Variants in INO80C observed in about 807,000 individuals in gnomAD.
INO80C encodes the protein IES6 homolog.
Under a neutral mutation model 17.7 loss-of-function variants are expected in INO80C, and 17 were observed. The ratio of observed to expected loss-of-function variants is 0.96; its 90% CI spans 0.66 to 1.44. INO80C has a LOEUF of 1.44. INO80C is among the 40% of genes most tolerant of loss of function. The pLI is 0.00. For synonymous variants in INO80C, 96 were observed against 95.8 expected, an observed-to-expected ratio of 1.00 and a Z score of -0.01; for missense variants, 244 against 245.0, an observed-to-expected ratio of 1.00 and a Z score of 0.03.
chr18:35,497,678 T>C, intron 1 of INO80C, 41 bp downstream of exon 1: 1 of 1,590,678 alleles, frequency 6.3e-7, no homozygotes, highest in African/African-American at 1.4e-5. Context: ...CAAGTCCCGT[T>C]TCGCGACGCG....
chr18:35,479,146 C>T lies in INO80C; in HGVS notation c.379+154G>A, dbSNP rs1444074531. Reference sequence around the variant, plus strand: ...ATACAGATACAGTTATGAGAAAATACACACATAATCTGCCCAGACTGATGC... The same window carrying T: ...ATACAGATACAGTTATGAGAAAATATACACATAATCTGCCCAGACTGATGC... On this transcript the variant is annotated intron_variant, in intron 3 of 4. Transcript: ENST00000334598. The T allele has an allele frequency of 8.7e-6, 5 of 577,904 alleles. No homozygotes were observed. In the East Asian group the frequency reaches 1.5e-4, roughly 17 times the overall value. 35.8% of individuals were successfully genotyped at this position (577,904 alleles called of 1,614,324 possible). A position where few individuals can be genotyped will look rare whatever the true frequency, so the allele number is the denominator to read the frequency against.
intron 1 of INO80C, 68 bp downstream of exon 1, chr18:35,497,651 G>C: frequency 6.5e-7 from 1 of 1,547,174 alleles, no homozygotes; most frequent in South Asian, 1.2e-5. Context: ...ACGCGCCCTG[G>C]CTCGGCTCCG....
In INO80C at chr18:35,497,879, C is replaced by T; in HGVS notation, c.-5G>A. 6.4e-7 allele frequency: 1 copy of T among 1,556,172 alleles called. No individual in the cohort carries two copies. The highest frequency in any genetic ancestry group is 8.7e-7 in the Non-Finnish European group (1 of 1,148,622). On this transcript the variant is annotated 5_prime_UTR_variant, in exon 1 of 5. It adds an upstream start codon to the 5' untranslated region. Coordinates refer to ENST00000334598, the MANE Select transcript of INO80C (RefSeq NM_194281.4). The stretch of plus-strand genomic sequence containing the variant: ...AATTGGAATTTGCGCCGCCATCGCA[C>T]TCCGAGTCTTCCCCTGGTCCCCCCA...
In INO80C at chr18:35,479,373, G is replaced by A. The variant is rs768550170; in HGVS notation, c.306C>T (p.Asn102=). The A allele has an allele frequency of 1.2e-6, 2 of 1,614,108 alleles. No individual in the cohort carries two copies. The highest frequency in any genetic ancestry group is 1.7e-6 in the Non-Finnish European group (2 of 1,180,006). ...GHGGAVAGKK[N]RTWKNLKQIL... ...TTTGTTTCAGGTTCTTCCAGGTTCTGTTCTTCTTGCCAGCTACTGCGCCAC... is the reference window on the plus strand; with the variant it reads ...TTTGTTTCAGGTTCTTCCAGGTTCTATTCTTCTTGCCAGCTACTGCGCCAC... The change falls in exon 3 of 5, where the codon AAC becomes AAT. Residue 102 remains asparagine (N), a synonymous_variant. Coordinates refer to ENST00000334598, the MANE Select transcript of INO80C (RefSeq NM_194281.4).
chr18:35,477,366 A>G (rs1045662542), intron 4 of INO80C, among the ~76,000 whole-genome samples: 2 of 152,264 alleles, frequency 1.3e-5, no homozygotes, highest in Non-Finnish European at 2.9e-5. Flanking sequence ...AGGGACAAAC[A>G]GGGATATTAC....
rs11659769 is a variant in INO80C, at chr18:35,468,437, A to G, written c.*174T>C. 118,992 of 1,417,912 alleles carry G rather than the reference A, an allele frequency of 0.084. 5,288 individuals are homozygous for G. The highest frequency in any genetic ancestry group is 0.14 in the African/African-American group (8,836 of 63,302). The allele number at this position is 1,417,912 out of a possible 1,614,324, so 87.8% of individuals were successfully genotyped here. On this transcript the variant is annotated 3_prime_UTR_variant, in exon 5 of 5. Coordinates refer to ENST00000334598, the MANE Select transcript of INO80C (RefSeq NM_194281.4). ...AGCAGGAAATATCACACTTGGAGGG[A>G]AAACACACACTAAAAAAAAAAAAAA... is the stretch of plus-strand genomic sequence containing the variant.
chr18:35,497,571 G>C (rs1315262505), intron 1 of INO80C, 148 bp downstream of exon 1: 25 of 1,422,306 alleles, frequency 1.8e-5, no homozygotes, highest in Non-Finnish European at 2.3e-5. Flanking sequence ...GGAAAGAGTA[G>C]TCATTCACTC....
intron 1 of INO80C, chr18:35,496,675 T>C (rs1417961876): frequency 6.6e-6 from 1 of 152,192 alleles, no homozygotes; most frequent in Non-Finnish European, 1.5e-5. Flanking sequence ...GCTCTTGTAG[T>C]TGGGACTAAA....
intron 4 of INO80C, among the ~76,000 whole-genome samples, chr18:35,477,195 G>A (rs1457106638): frequency 6.6e-6 from 1 of 152,194 alleles, no homozygotes; most frequent in Non-Finnish European, 1.5e-5. Context: ...AGTGAGCCAA[G>A]AGCGTGCCAC....
At chr18:35,494,949 G>T (rs2045966759) in intron 1 of INO80C, among the ~76,000 whole-genome samples, 1 of 152,228 alleles carries the variant, frequency 6.6e-6, no homozygotes, top group African/African-American at 2.4e-5. Context: ...GGATGGAACA[G>T]AAACAGTACA....
intron 4 of INO80C, among the ~76,000 whole-genome samples, chr18:35,475,059 C>G (rs1254435609): frequency 1.3e-5 from 2 of 151,998 alleles, no homozygotes; most frequent in Non-Finnish European, 2.9e-5. Context: ...TGACAGATAC[C>G]AAACCACAAA....
At chr18:35,490,800 C>A (rs1285478653) in intron 1 of INO80C, among the ~76,000 whole-genome samples, 1 of 152,132 alleles carries the variant, frequency 6.6e-6, no homozygotes, top group Non-Finnish European at 1.5e-5. Flanking sequence ...CTGTCACCCA[C>A]GCTGCAGTGC....
At position 35,468,448 on chromosome 18, in the gene INO80C, T is replaced by TAAA; in HGVS notation, c.*160_*162dup. The TAAA allele has an allele frequency of 4.8e-6, 6 of 1,261,150 alleles. No homozygotes were observed. The highest frequency in any genetic ancestry group is 2.7e-5 in the East Asian group (1 of 37,480). 78.1% of individuals were successfully genotyped at this position (1,261,150 alleles called of 1,614,324 possible). On this transcript the variant is annotated 3_prime_UTR_variant, in exon 5 of 5. Coordinates refer to ENST00000334598, the MANE Select transcript of INO80C (RefSeq NM_194281.4). Reference sequence around the variant, plus strand: ...TCACACTTGGAGGGAAAACACACACTAAAAAAAAAAAAAACCCTTAAATTA... The same window carrying TAAA: ...TCACACTTGGAGGGAAAACACACACTAAAAAAAAAAAAAAAAACCCTTAAATTA...
intron 4 of INO80C, 63 bp from the exon 5 acceptor site, chr18:35,468,805 A>C (rs1393238076): frequency 6.7e-7 from 1 of 1,494,632 alleles, no homozygotes; most frequent in Non-Finnish European, 9.2e-7. Flanking sequence ...TTTTAAGTTC[A>C]AGTTTAAAAA....
intron 3 of INO80C, among the ~76,000 whole-genome samples, chr18:35,478,813 T>A (rs150942468): frequency 6.6e-6 from 1 of 152,180 alleles, no homozygotes; most frequent in Non-Finnish European, 1.5e-5. Context: ...GGTGAGAACT[T>A]TGAACTTGTA....
chr18:35,468,838 G>GAT, intron 4 of INO80C, 96 bp from the exon 5 acceptor site: 1 of 1,122,734 alleles, frequency 8.9e-7, no homozygotes, highest in Non-Finnish European at 1.3e-6. Context: ...CACTGAAAGT[G>GAT]ATATATATTT....
At chr18:35,479,530 G>A in intron 2 of INO80C, 119 bp from the exon 3 acceptor site, 1 of 634,554 alleles carries the variant, frequency 1.6e-6, no homozygotes, top group South Asian at 1.9e-5. Context: ...CAATCATTAA[G>A]ACCCCTGAGA....
In INO80C at chr18:35,478,414, T is replaced by A. The variant is rs1400473606; in HGVS notation, c.380-65A>T. On this transcript the variant is annotated intron_variant, in intron 3 of 4. Coordinates refer to ENST00000334598, the MANE Select transcript of INO80C (RefSeq NM_194281.4). ...AAAACATTCAAATCCCTTCTCTTTT[T>A]TTTTCTAAAATAGTATTTGATAATA... The A allele has an allele frequency of 2.4e-6, 3 of 1,269,244 alleles. No homozygotes were observed. In the African/African-American group the frequency reaches 4.6e-5, roughly 19 times the overall value. The allele number at this position is 1,269,244 out of a possible 1,614,324, so 78.6% of individuals were successfully genotyped here. A position where few individuals can be genotyped will look rare whatever the true frequency, so the allele number is the denominator to read the frequency against.
At chr18:35,469,719 G>A (rs965059049) in intron 4 of INO80C, among the ~76,000 whole-genome samples, 1 of 152,174 alleles carries the variant, frequency 6.6e-6, no homozygotes, top group Non-Finnish European at 1.5e-5. Flanking sequence ...ATGACTCTTT[G>A]ATGATGGTCT....
Sources: gnomAD v4.1 joint callset for allele counts (sites outside exome capture counted in the v4.1 genomes callset) on GRCh38, gnomAD v4.1.1 for gene constraint, MANE v1.5 for transcripts, NCBI Gene and HGNC (gene_info 2026-07-23, HGNC 2026-07-21) for gene names.